The following MEIS1 variants were observed in gnomAD, a reference collection of about 807,000 sequenced individuals.
MEIS1 encodes Meis homeobox 1.
In MEIS1, 5 loss-of-function variants were observed where a neutral mutation model predicts 50.8. The ratio of observed to expected loss-of-function variants is 0.10; its 90% CI spans 0.05 to 0.21. The LOEUF (loss-of-function observed/expected upper bound fraction) is 0.21. MEIS1 is among the 10% of genes least tolerant of loss of function. MEIS1 has a pLI of 1.00. For synonymous variants in MEIS1, 176 were observed against 179.3 expected (o/e 0.98, Z 0.15); for missense variants, 318 against 517.3 (o/e 0.61, Z 3.74).
At chr2:66,530,453 G>A (rs758501765) in intron 8 of MEIS1, among the ~76,000 whole-genome samples, 1 of 152,112 alleles carries the variant, frequency 6.6e-6, no homozygotes, top group African/African-American at 2.4e-5. Flanking sequence ...GGTGGCTCAC[G>A]CCTGTAATCC....
At chr2:66,522,408 A>G (rs1056601778) in intron 8 of MEIS1, among the ~76,000 whole-genome samples, 1 of 152,214 alleles carries the variant, frequency 6.6e-6, no homozygotes, top group Non-Finnish European at 1.5e-5. Context: ...CTATTGTGGC[A>G]GCTCCATTGA....
chr2:66,521,423 T>C (rs1011147325), intron 8 of MEIS1, among the ~76,000 whole-genome samples: 2 of 152,086 alleles, frequency 1.3e-5, no homozygotes, highest in Non-Finnish European at 2.9e-5. Flanking sequence ...ATTTTCTTTA[T>C]GGAGATAGAG....
At chr2:66,509,958 G>C (rs1673784065) in intron 7 of MEIS1, among the ~76,000 whole-genome samples, 1 of 152,152 alleles carries the variant, frequency 6.6e-6, no homozygotes, top group Non-Finnish European at 1.5e-5. Flanking sequence ...AGGGGTTTGA[G>C]GTGGATAAAA....
intron 7 of MEIS1, among the ~76,000 whole-genome samples, chr2:66,464,712 C>T (rs1672594314): frequency 6.6e-6 from 1 of 152,102 alleles, no homozygotes; most frequent in Non-Finnish European, 1.5e-5. Flanking sequence ...ATCTGAATCT[C>T]CTAAGTGCTT....
intron 6 of MEIS1, among the ~76,000 whole-genome samples, chr2:66,459,481 TAGTC>T (rs1314253059): frequency 1.3e-5 from 2 of 152,154 alleles, no homozygotes; most frequent in Non-Finnish European, 2.9e-5. Context: ...CTGTGATTGA[TAGTC>T]AGGATGCAAT....
intron 7 of MEIS1, among the ~76,000 whole-genome samples, chr2:66,496,486 A>G (rs572817508): frequency 6.6e-6 from 1 of 152,306 alleles, no homozygotes; most frequent in African/African-American, 2.4e-5. Flanking sequence ...CGGGGGTCTC[A>G]GGAGAGGGCA....
At chr2:66,445,783 C>T (rs2103698149) in intron 6 of MEIS1, among the ~76,000 whole-genome samples, 1 of 152,288 alleles carries the variant, frequency 6.6e-6, no homozygotes, top group East Asian at 1.9e-4. Flanking sequence ...ATCCACTTGA[C>T]CTTGTAGCGT....
chr2:66,548,104 C>T, intron 9 of MEIS1, 85 bp downstream of exon 9: 1 of 1,318,734 alleles, frequency 7.6e-7, no homozygotes. Flanking sequence ...AGAAGACACA[C>T]CCAGTTGCCA....
chr2:66,478,995 C>G (rs1277881820), intron 7 of MEIS1, among the ~76,000 whole-genome samples: 1 of 152,208 alleles, frequency 6.6e-6, no homozygotes, highest in Admixed American at 6.5e-5. Context: ...TCATTCAGAA[C>G]TGACAGATGT....
intron 6 of MEIS1, among the ~76,000 whole-genome samples, chr2:66,457,953 C>T (rs563218934): frequency 1.3e-5 from 2 of 152,060 alleles, no homozygotes; most frequent in East Asian, 1.9e-4. Flanking sequence ...CTAAAGAGAC[C>T]CTGGTGATTT....
intron 6 of MEIS1, among the ~76,000 whole-genome samples, chr2:66,445,962 GC>G (rs1672132108): frequency 6.6e-6 from 1 of 152,150 alleles, no homozygotes; most frequent in Non-Finnish European, 1.5e-5. Context: ...AGCCACTTTG[GC>G]GGGCGCAAGC....
intron 10 of MEIS1, chr2:66,568,281 TGTGA>T (rs1675398544): frequency 5.4e-6 from 1 of 185,548 alleles, no homozygotes; most frequent in Non-Finnish European, 1.1e-5. Flanking sequence ...CTAGGGGTGA[TGTGA>T]GTCTTTACTT....
At chr2:66,564,454 G>A (rs1437109908) in intron 9 of MEIS1, among the ~76,000 whole-genome samples, 1 of 152,212 alleles carries the variant, frequency 6.6e-6, no homozygotes, top group Non-Finnish European at 1.5e-5. Context: ...AAGGCTTCAG[G>A]AGGACATAGA....
chr2:66,500,362 T>C (rs1163879377), intron 7 of MEIS1, among the ~76,000 whole-genome samples: 2 of 152,190 alleles, frequency 1.3e-5, no homozygotes, highest in African/African-American at 4.8e-5. Context: ...GATTTAAATG[T>C]AGCCCATGTT....
chr2:66,518,534 C>A (rs564168567), intron 8 of MEIS1, among the ~76,000 whole-genome samples: 24 of 152,290 alleles, frequency 1.6e-4, no homozygotes, highest in Middle Eastern at 6.8e-3. Context: ...TACTGATACA[C>A]CTAACTGAAC....
Position 66,435,819 on chromosome 2 carries a change from T to A in MEIS1, c.-38T>A. 1 of 1,541,274 alleles carries A rather than the reference T, an allele frequency of 6.5e-7. No individual in the cohort carries two copies. Among genetic ancestry groups the A allele is most frequent in the South Asian group, 1.2e-5 (1 of 82,234 alleles). On this transcript the variant is annotated 5_prime_UTR_variant, in exon 1 of 13. Transcript: ENST00000272369. ...TTTCACACTGGCCTTAAAGAGGATA[T>A]ATTAGAAGTTGAAGTAGGAAGGGAG...
chr2:66,475,135 C>T (rs1054470150), intron 7 of MEIS1, among the ~76,000 whole-genome samples: 23 of 120,628 alleles, frequency 1.9e-4, no homozygotes, highest in African/African-American at 9.2e-4. Flanking sequence ...TATATATATA[C>T]ACATATATAT....
At chr2:66,556,808 A>G (rs2284706) in intron 9 of MEIS1, among the ~76,000 whole-genome samples, 16,627 of 151,844 alleles carry the variant, frequency 0.11, 1,021 homozygotes, top group African/African-American at 0.14. Flanking sequence ...AACATGTACA[A>G]AAAGATATAG....
At chr2:66,444,389 TTC>T (rs900263979) in intron 6 of MEIS1, among the ~76,000 whole-genome samples, 21 of 152,234 alleles carry the variant, frequency 1.4e-4, no homozygotes, top group Non-Finnish European at 2.2e-4. Context: ...TATGGTTTTC[TTC>T]TCTCAACATC....
Sources: gnomAD v4.1 joint callset for allele counts (sites outside exome capture counted in the v4.1 genomes callset) on GRCh38, gnomAD v4.1.1 for gene constraint, MANE v1.5 for transcripts, NCBI Gene and HGNC (gene_info 2026-07-23, HGNC 2026-07-21) for gene names.